TMEM161A: variants seen among roughly 807,000 people sequenced by gnomAD.
TMEM161A encodes adaptive response to oxidative stress protein 29.
TMEM161A carries 46 observed loss-of-function variants against 57.1 expected under a neutral mutation model. The observed-to-expected ratio is 0.81, with a 90% CI of 0.64 to 1.03. The LOEUF (loss-of-function observed/expected upper bound fraction) is 1.03. Among genes scored for constraint, TMEM161A ranks in the 50% least tolerant of loss-of-function variants. TMEM161A has a pLI of 0.00. For missense variants in TMEM161A, 601 were observed against 621.5 expected, an observed-to-expected ratio of 0.97 and a Z score of 0.35; for synonymous variants, 288 against 279.0, an observed-to-expected ratio of 1.03 and a Z score of -0.32.
Position 19,134,789 on chromosome 19 carries a change from G to C in TMEM161A, c.102C>G (p.Asn34Lys), listed in dbSNP as rs538146991. 1.3e-6 allele frequency: 2 copies of C among 1,572,326 alleles called. No homozygotes were observed. The highest frequency in any genetic ancestry group is 1.7e-6 in the Non-Finnish European group (2 of 1,161,388). Residue 34 changes from asparagine (N) to lysine (K), a missense_variant, in exon 2 of 12, where the codon AAC becomes AAG. By Grantham distance (94) the Asn-to-Lys change is moderately conservative. Coordinates refer to ENST00000162044, the MANE Select transcript of TMEM161A (RefSeq NM_017814.3). ...HCSFARWLLC[N>K]GSLFRYKHPS... is the part of the protein sequence containing the mutation. ...ACCGCCGGGGCGGGGCTCACCTGCC[G>C]TTACAGAGCAGCCAGCGCGCGAAGG...
chr19:19,122,062 G>A (rs2059913576), intron 6 of TMEM161A, among the ~76,000 whole-genome samples: 2 of 152,162 alleles, frequency 1.3e-5, no homozygotes, highest in African/African-American at 4.8e-5. Flanking sequence ...GGAGGCTGAG[G>A]CAGGCGGATC....
At position 19,132,637 on chromosome 19, in the gene TMEM161A, G is replaced by T. The variant is rs568108622; in HGVS notation, c.286+20C>A. ...TCAGGGCTGAGGGAGTAGAGTTTAG[G>T]GATGGGACTGGGCTATTACCCAGGG... On this transcript the variant is annotated intron_variant, in intron 4 of 11. Coordinates refer to ENST00000162044, the MANE Select transcript of TMEM161A (RefSeq NM_017814.3). This position sits in a 1 kb window ranked among gnomAD's most constrained non-coding sequence, Gnocchi z 4.3. 12 of 1,556,440 alleles carry T rather than the reference G, an allele frequency of 7.7e-6. No homozygotes were observed. Among genetic ancestry groups the T allele is most frequent in the Non-Finnish European group, 9.6e-6 (11 of 1,150,114 alleles).
At chr19:19,134,655 C>T in intron 2 of TMEM161A, 129 bp downstream of exon 2, 1 of 643,510 alleles carries the variant, frequency 1.6e-6, no homozygotes, top group Non-Finnish European at 2.7e-6. Context: ...TCAATTACAC[C>T]TCAACAACGT....
chr19:19,124,054 C>CA (rs543778130), intron 6 of TMEM161A, among the ~76,000 whole-genome samples: 5,396 of 132,100 alleles, frequency 0.041, 116 homozygotes, highest in South Asian at 0.075. Context: ...AACTCTGTCT[C>CA]AAAAAAAAAA....
chr19:19,120,230 G>T, intron 11 of TMEM161A, 47 bp from the exon 12 acceptor site: 1 of 1,481,946 alleles, frequency 6.7e-7, no homozygotes, highest in East Asian at 2.5e-5. Context: ...AATGGGGGAG[G>T]GGGCGAGGGA....
In TMEM161A at chr19:19,132,332, G is replaced by T. The variant is rs2059962813; in HGVS notation, c.443+20C>A. ...CTGCTCCCACCCGCCCCACTGGCAG[G>T]GAGCAGAGAGGAAGGATACATGGAG... On this transcript the variant is annotated intron_variant, in intron 5 of 11. Transcript: ENST00000162044. This position sits in a 1 kb window ranked among gnomAD's most constrained non-coding sequence, Gnocchi z 4.3. 1.2e-6 allele frequency: 2 copies of T among 1,602,252 alleles called. No homozygotes were observed. The highest frequency in any genetic ancestry group is 2.7e-5 in the African/African-American group (2 of 74,726).
At chr19:19,129,703 T>C (rs1255597279) in intron 6 of TMEM161A, among the ~76,000 whole-genome samples, 6 of 148,170 alleles carry the variant, frequency 4.0e-5, no homozygotes, top group Non-Finnish European at 9.0e-5. Context: ...AGGTCAGGAG[T>C]TTGAGACCAG....
chr19:19,121,458 A>T lies in TMEM161A; in HGVS notation c.801-37T>A. ...GGGCAGGAGGGAGTGAGGCCTGGGT[A>T]CCCCCTCTCCTCGAGTCTCTCCCTT... On this transcript the variant is annotated intron_variant, in intron 8 of 11. Transcript: ENST00000162044. This position sits in a 1 kb window ranked among gnomAD's most constrained non-coding sequence, Gnocchi z 5.8. The T allele has an allele frequency of 6.2e-7, 1 of 1,613,090 alleles. No individual in the cohort carries two copies. The highest frequency in any genetic ancestry group is 8.5e-7 in the Non-Finnish European group (1 of 1,179,436).
rs760079329 is a variant in TMEM161A, at chr19:19,121,689, G to A, written c.657-21C>T. 2.2e-5 allele frequency: 36 copies of A among 1,612,538 alleles called. No homozygotes were observed. Among genetic ancestry groups the A allele is most frequent in the East Asian group, 6.7e-5 (3 of 44,812 alleles). On this transcript the variant is annotated intron_variant, in intron 7 of 11. Coordinates refer to ENST00000162044, the MANE Select transcript of TMEM161A (RefSeq NM_017814.3). The surrounding 1 kb of genome is among the most constrained non-coding windows in gnomAD (Gnocchi z 5.8). ...GAAGCCTAGGAGAACACCAGGTCAC[G>A]AGCCTGCCTGGGGGACCCTGGGAGG...
chr19:19,132,991 C>G lies in TMEM161A; in HGVS notation c.188+139G>C, dbSNP rs1192673803. 2.5e-6 allele frequency: 2 copies of G among 803,974 alleles called. No homozygotes were observed. Among genetic ancestry groups the G allele is most frequent in the Non-Finnish European group, 2.0e-6 (1 of 511,204 alleles). 49.8% of individuals were successfully genotyped at this position (803,974 alleles called of 1,614,324 possible). ...CCTTGGACTAGGGTCTCCCGGTTCA[C>G]CTGTGCCCAGATCAGCGCCTGGAAG... On this transcript the variant is annotated intron_variant, in intron 3 of 11. Coordinates refer to ENST00000162044, the MANE Select transcript of TMEM161A (RefSeq NM_017814.3). The surrounding 1 kb of genome is among the most constrained non-coding windows in gnomAD (Gnocchi z 4.3).
At chr19:19,129,233 TATG>T (rs558346177) in intron 6 of TMEM161A, among the ~76,000 whole-genome samples, 20 of 152,300 alleles carry the variant, frequency 1.3e-4, no homozygotes, top group Non-Finnish European at 2.4e-4. Context: ...CAGGTACTCA[TATG>T]ATTATTTTGC....
At chr19:19,128,833 C>T (rs567484126) in intron 6 of TMEM161A, among the ~76,000 whole-genome samples, 4 of 152,124 alleles carry the variant, frequency 2.6e-5, no homozygotes, top group South Asian at 4.1e-4. Context: ...CCACCATGCT[C>T]GGCCATCTAA....
In TMEM161A at chr19:19,121,499, C is replaced by T. The variant is rs1261335871; in HGVS notation, c.800+26G>A. On this transcript the variant is annotated intron_variant, in intron 8 of 11. Transcript: ENST00000162044. This position sits in a 1 kb window ranked among gnomAD's most constrained non-coding sequence, Gnocchi z 5.8. ...TCTCTCCCTTAAGCTCCCTAGTCCC[C>T]CCACCCACCAAGCGACCCACTTAAC... The T allele has an allele frequency of 1.2e-6, 2 of 1,613,358 alleles. No homozygotes were observed. The highest frequency in any genetic ancestry group is 1.7e-6 in the Non-Finnish European group (2 of 1,179,590).
chr19:19,123,168 A>G (rs564825947), intron 6 of TMEM161A, among the ~76,000 whole-genome samples: 2 of 152,364 alleles, frequency 1.3e-5, no homozygotes, highest in African/African-American at 4.8e-5. Context: ...AGAAATATGA[A>G]GAGAGGCTAA....
chr19:19,120,683 G>A (rs1465838141), intron 11 of TMEM161A, 82 bp downstream of exon 11: 2 of 358,582 alleles, frequency 5.6e-6, no homozygotes, highest in Non-Finnish European at 9.6e-6. Context: ...CCCCCCCACC[G>A]CGGTCCCCGC....
At chr19:19,124,997 G>A (rs559248635) in intron 6 of TMEM161A, among the ~76,000 whole-genome samples, 1 of 152,090 alleles carries the variant, frequency 6.6e-6, no homozygotes, top group South Asian at 2.1e-4. Flanking sequence ...GTGAACAAAA[G>A]TGAGACCTGG....
In TMEM161A at chr19:19,132,769, ACAAG is replaced by A. The variant is rs1357066590; in HGVS notation, c.189-19_189-16del. ...CATTGGCCCACCTGGGAGGATGGTG[ACAAG>A]CAAGAGGGACGGTGAGCACGCATTC... On this transcript the variant is annotated splice_polypyrimidine_tract_variant and intron_variant, in intron 3 of 11. Coordinates refer to ENST00000162044, the MANE Select transcript of TMEM161A (RefSeq NM_017814.3). The surrounding 1 kb of genome is among the most constrained non-coding windows in gnomAD (Gnocchi z 4.3). The A allele has an allele frequency of 6.6e-7, 1 of 1,525,064 alleles. No individual in the cohort carries two copies. Among genetic ancestry groups the A allele is most frequent in the Non-Finnish European group, 8.8e-7 (1 of 1,135,052 alleles). The allele number at this position is 1,525,064 out of a possible 1,614,324, so 94.5% of individuals were successfully genotyped here.
chr19:19,124,099 T>C (rs997583799), intron 6 of TMEM161A, among the ~76,000 whole-genome samples: 9 of 151,248 alleles, frequency 6.0e-5, no homozygotes, highest in African/African-American at 2.2e-4. Context: ...GTTCCATACA[T>C]CATGATAAAA....
chr19:19,128,795 C>T (rs1420135437), intron 6 of TMEM161A, among the ~76,000 whole-genome samples: 2 of 152,074 alleles, frequency 1.3e-5, no homozygotes, highest in East Asian at 3.9e-4. Context: ...GCCTGAGCCT[C>T]CCAAAGTGCT....
Sources: allele counts gnomAD v4.1 joint callset (sites outside exome capture counted in the v4.1 genomes callset), GRCh38; gene constraint gnomAD v4.1.1; non-coding constraint Gnocchi (gnomAD v3.1); transcripts MANE v1.5; gene names NCBI Gene and HGNC (gene_info 2026-07-23, HGNC 2026-07-21).